Variants in EPHB2 observed in about 807,000 individuals in gnomAD.
EPHB2 encodes ephrin type-B receptor 2.
A neutral mutation model predicts 96.4 loss-of-function variants in EPHB2; 18 were observed. The observed-to-expected ratio is 0.19, with a 90% CI of 0.13 to 0.28. The LOEUF (loss-of-function observed/expected upper bound fraction) is 0.28. Ranked by LOEUF, EPHB2 falls within the 10% of genes least tolerant of loss-of-function variation. EPHB2 has a pLI of 1.00. For synonymous variants in EPHB2, 506 were observed against 534.1 expected (o/e 0.95, Z 0.72); for missense variants, 989 against 1,355.4 (o/e 0.73, Z 4.25).
intron 3 of EPHB2, among the ~76,000 whole-genome samples, chr1:22,809,720 C>G (rs1290369808): frequency 6.6e-6 from 1 of 152,206 alleles, no homozygotes; most frequent in East Asian, 1.9e-4. Context: ...ACAGACCTCC[C>G]TCTTGGTCTC....
At chr1:22,830,777 G>A (rs1021895860) in intron 3 of EPHB2, among the ~76,000 whole-genome samples, 1 of 151,988 alleles carries the variant, frequency 6.6e-6, no homozygotes, top group South Asian at 2.1e-4. Context: ...GGCTGATCTC[G>A]AACTCCTGAC....
At chr1:22,769,020 A>G (rs933229455) in intron 1 of EPHB2, among the ~76,000 whole-genome samples, 3 of 152,126 alleles carry the variant, frequency 2.0e-5, no homozygotes, top group African/African-American at 7.2e-5. Context: ...TATGTCTGGG[A>G]TCCCCCTTAC....
Position 22,892,893 on chromosome 1 carries a change from G to A in EPHB2, c.1438G>A (p.Glu480Lys), listed in dbSNP as rs772198021. The change falls in exon 7 of 16, where the codon GAG (glutamate) becomes AAG (lysine). Residue 480 changes from glutamate to lysine, a missense_variant. Coordinates refer to ENST00000374630, the MANE Select transcript of EPHB2 (RefSeq NM_017449.5). ...CTCTGTTCCTCGGCAGGAGCTCAGT[G>A]AGTACAACGCCACAGCCATAAAAAG... ...ELQYYEKELS[E>K]YNATAIKSPT... is the part of the protein sequence containing the mutation. 1 of 1,614,200 alleles carries A rather than the reference G, an allele frequency of 6.2e-7. No individual in the cohort carries two copies. Among genetic ancestry groups the A allele is most frequent in the South Asian group, 1.1e-5 (1 of 91,076 alleles).
intron 3 of EPHB2, among the ~76,000 whole-genome samples, chr1:22,789,185 GCCCCAACACCA>G (rs1644656868): frequency 6.6e-6 from 1 of 152,182 alleles, no homozygotes; most frequent in African/African-American, 2.4e-5. Flanking sequence ...CACTAGCCCA[GCCCCAACACCA>G]CCCCAGGGAT....
intron 3 of EPHB2, among the ~76,000 whole-genome samples, chr1:22,825,360 C>G (rs1049740600): frequency 3.3e-5 from 5 of 152,200 alleles, no homozygotes; most frequent in Non-Finnish European, 7.3e-5. Context: ...CACCTAACTC[C>G]TCGGATGATC....
At chr1:22,884,683 A>T (rs987512928) in intron 6 of EPHB2, among the ~76,000 whole-genome samples, 4 of 151,270 alleles carry the variant, frequency 2.6e-5, no homozygotes, top group African/African-American at 7.3e-5. Context: ...GGGTAGATAA[A>T]TGGATGAATT....
At chr1:22,770,017 G>C (rs918169621) in intron 1 of EPHB2, among the ~76,000 whole-genome samples, 6 of 152,102 alleles carry the variant, frequency 3.9e-5, no homozygotes, top group African/African-American at 1.4e-4. Flanking sequence ...TAGATAGATG[G>C]GTGAGTGGAA....
chr1:22,891,574 C>T (rs946292527), intron 6 of EPHB2, among the ~76,000 whole-genome samples: 2 of 152,188 alleles, frequency 1.3e-5, no homozygotes, highest in African/African-American at 4.8e-5. Context: ...GATGCCTAAA[C>T]GAGCATCATC....
At chr1:22,726,217 C>G (rs2148345746) in intron 1 of EPHB2, among the ~76,000 whole-genome samples, 1 of 152,220 alleles carries the variant, frequency 6.6e-6, no homozygotes, top group Admixed American at 6.5e-5. Flanking sequence ...TCTCCTACTC[C>G]ATTGCTTTTT....
intron 1 of EPHB2, among the ~76,000 whole-genome samples, chr1:22,769,789 G>A (rs1644353750): frequency 6.6e-6 from 1 of 152,196 alleles, no homozygotes; most frequent in Non-Finnish European, 1.5e-5. Flanking sequence ...GGAGTGGATA[G>A]CAGATGTATA....
At chr1:22,864,608 A>G (rs112908109) in intron 4 of EPHB2, among the ~76,000 whole-genome samples, 2,131 of 152,338 alleles carry the variant, frequency 0.014, 50 homozygotes, top group African/African-American at 0.049. Flanking sequence ...GAGAAAATAG[A>G]TACTGGGCAG....
At chr1:22,871,483 A>G (rs1322059089) in intron 5 of EPHB2, among the ~76,000 whole-genome samples, 5 of 152,176 alleles carry the variant, frequency 3.3e-5, no homozygotes, top group African/African-American at 1.2e-4. Context: ...TGTAGCCAGG[A>G]TGTGAGAAGA....
chr1:22,750,434 G>A (rs189239017), intron 1 of EPHB2, among the ~76,000 whole-genome samples: 27 of 152,336 alleles, frequency 1.8e-4, no homozygotes, highest in African/African-American at 6.3e-4. Flanking sequence ...CTTTAGTCCT[G>A]TGTTTACATG....
intron 1 of EPHB2, among the ~76,000 whole-genome samples, chr1:22,724,841 GTTTTGAGGACTCAAGGC>G (rs1349957670): frequency 1.3e-5 from 2 of 152,188 alleles, no homozygotes. Flanking sequence ...TAACCAAGTA[GTTTTGAGGACTCAAGGC>G]TTTGGGCTCC....
chr1:22,744,248 A>G (rs575052234), intron 1 of EPHB2, among the ~76,000 whole-genome samples: 1 of 152,088 alleles, frequency 6.6e-6, no homozygotes, highest in East Asian at 1.9e-4. Context: ...TAGCCCAGTA[A>G]TTCCACTCCC....
At chr1:22,811,502 A>T (rs564896806) in intron 3 of EPHB2, among the ~76,000 whole-genome samples, 2 of 152,170 alleles carry the variant, frequency 1.3e-5, no homozygotes, top group Non-Finnish European at 2.9e-5. Context: ...TGGTGAGATA[A>T]GGGGCTAAAG....
At position 22,864,975 on chromosome 1, in the gene EPHB2, C is replaced by T; in HGVS notation, c.1066C>T (p.Leu356Phe). 1 of 1,607,710 alleles carries T rather than the reference C, an allele frequency of 6.2e-7. No homozygotes were observed. The change falls in exon 5 of 16, where the codon CTC (leucine) becomes TTC (phenylalanine). Residue 356 changes from leucine to phenylalanine, a missense_variant. Coordinates refer to ENST00000374630, the MANE Select transcript of EPHB2 (RefSeq NM_017449.5). The stretch of plus-strand genomic sequence containing the variant: ...CCGCGACTCCGGAGGCCGAGAGGAC[C>T]TCGTCTACAACATCATCTGCAAGAG... ...PPRDSGGREDLVYNIICKSCG... is the reference protein window; with the variant it reads ...PPRDSGGREDFVYNIICKSCG...
At chr1:22,785,189 C>A (rs1015427692) in intron 3 of EPHB2, 113 bp downstream of exon 3, 2 of 1,311,448 alleles carry the variant, frequency 1.5e-6, no homozygotes, top group East Asian at 5.0e-5. Flanking sequence ...GACCATGAGG[C>A]ACTCTAGGGC....
chr1:22,775,389 C>T (rs1205943463), intron 1 of EPHB2: 3 of 681,772 alleles, frequency 4.4e-6, no homozygotes, highest in African/African-American at 3.6e-5. Context: ...AAAGTTTCTT[C>T]TTCATGACTT....
Sources: gnomAD v4.1 joint callset for allele counts (sites outside exome capture counted in the v4.1 genomes callset) on GRCh38, gnomAD v4.1.1 for gene constraint, MANE v1.5 for transcripts, NCBI Gene and HGNC (gene_info 2026-07-23, HGNC 2026-07-21) for gene names.